HADHA: variants seen among roughly 807,000 people sequenced by gnomAD.
HADHA encodes the protein trifunctional enzyme subunit alpha, mitochondrial.
A neutral mutation model predicts 91.3 loss-of-function variants in HADHA; 59 were observed. The observed-to-expected ratio is 0.65, with a 90% CI of 0.52 to 0.80. The LOEUF (loss-of-function observed/expected upper bound fraction) is 0.80. HADHA is among the 30% of genes least tolerant of loss of function. The pLI is 0.00. For missense variants in HADHA, 800 were observed against 927.6 expected (o/e 0.86, Z 1.79); for synonymous variants, 320 against 338.9 (o/e 0.94, Z 0.61).
At chr2:26,212,409 C>T (rs1670122849) in intron 10 of HADHA, 161 bp downstream of exon 10, 1 of 676,548 alleles carries the variant, frequency 1.5e-6, no homozygotes, top group African/African-American at 1.8e-5. Context: ...TCTTAGCATC[C>T]ACTTGCTCAC....
rs755241910 is a variant in HADHA at position 26,236,818 on chromosome 2, CA to C, written c.314+36del. 6.5e-6 allele frequency: 10 copies of C among 1,542,630 alleles called. No homozygotes were observed. In the East Asian group the frequency reaches 2.0e-4, roughly 31 times the overall value. ...TAGGCCTAAGAAACACACTATTAAC[CA>C]AGATAAAAGGTGACTTCAAGTTTCC... On this transcript the variant is annotated intron_variant, in intron 4 of 19. Transcript: ENST00000380649.
chr2:26,241,487 A>AC (rs1362120350), intron 1 of HADHA, among the ~76,000 whole-genome samples: 1 of 151,666 alleles, frequency 6.6e-6, no homozygotes, highest in Non-Finnish European at 1.5e-5. Context: ...CAAAAAAAAA[A>AC]AAACAAAAAA....
At chr2:26,195,696 C>T (rs1669649429) in intron 14 of HADHA, among the ~76,000 whole-genome samples, 1 of 152,174 alleles carries the variant, frequency 6.6e-6, no homozygotes, top group Non-Finnish European at 1.5e-5. Context: ...CTAGGTTTAA[C>T]TAACACTCCT....
At chr2:26,201,817 C>T (rs1326466691) in intron 12 of HADHA, among the ~76,000 whole-genome samples, 3 of 151,204 alleles carry the variant, frequency 2.0e-5, no homozygotes, top group South Asian at 4.2e-4. Flanking sequence ...TTTTTTGAGA[C>T]GGAGTCTCGC....
intron 4 of HADHA, chr2:26,235,442 C>T (rs1391682822): frequency 6.6e-6 from 1 of 152,230 alleles, no homozygotes; most frequent in Non-Finnish European, 1.5e-5. Flanking sequence ...CCAAGGATAA[C>T]TAGTATATTC....
intron 1 of HADHA, among the ~76,000 whole-genome samples, chr2:26,240,455 G>T (rs1228232552): frequency 6.6e-6 from 1 of 152,118 alleles, no homozygotes; most frequent in East Asian, 1.9e-4. Flanking sequence ...AAGTTTTCCT[G>T]CAAAGTAGAA....
At chr2:26,197,506 G>A (rs1669707299) in intron 14 of HADHA, among the ~76,000 whole-genome samples, 185 bp downstream of exon 14, 1 of 152,086 alleles carries the variant, frequency 6.6e-6, no homozygotes, top group Non-Finnish European at 1.5e-5. Context: ...GATATTTTTT[G>A]TTGTACTTAA....
rs190244150 is a variant in HADHA at position 26,196,174 on chromosome 2, G to C, written c.1480-942C>G. Among the ~76,000 whole-genome samples the C allele has an allele frequency of 2.8e-3, 419 of 152,238 alleles. 1 individual carries two copies. Among genetic ancestry groups the C allele is most frequent in the African/African-American group, 9.9e-3 (411 of 41,504 alleles). ...TAGATGAGGAAAAAAGGTATCAAGAGGTTAGTAGTACAGAGTCAGTCAGCA... is the reference window on the plus strand; with the variant it reads ...TAGATGAGGAAAAAAGGTATCAAGACGTTAGTAGTACAGAGTCAGTCAGCA... On this transcript the variant is annotated intron_variant, in intron 14 of 19. Transcript: ENST00000380649.
At chr2:26,194,258 G>A (rs1044626264) in intron 16 of HADHA, among the ~76,000 whole-genome samples, 3 of 152,160 alleles carry the variant, frequency 2.0e-5, no homozygotes, top group African/African-American at 4.8e-5. Flanking sequence ...TGAACCAAGC[G>A]GGCCCTGTTC....
intron 4 of HADHA, among the ~76,000 whole-genome samples, chr2:26,236,420 G>GTGTA (rs553522257): frequency 0.24 from 27,749 of 115,824 alleles, 3,899 homozygotes; most frequent in Non-Finnish European, 0.31. Flanking sequence ...GTGTGTGTGT[G>GTGTA]TATATACTTT....
In HADHA at chr2:26,192,337, C is replaced by G; in HGVS notation, c.1973G>C (p.Ser658Thr). The part of the protein sequence containing the change: ...LNSDMDSILA[S>T]LKLPPKSEVS... ...TTCAGACTTAGGAGGCAGCTTCAGA[C>G]TCGCTAAAATACTATCCATGTCAGA... The change falls in exon 18 of 20, where the codon AGT (serine) becomes ACT (threonine). Residue 658 changes from serine (S) to threonine (T), a missense_variant. Physicochemically the swap from Ser to Thr is moderately conservative, Grantham distance 58. Transcript: ENST00000380649. The G allele has an allele frequency of 6.2e-7, 1 of 1,601,568 alleles. No homozygotes were observed. Among genetic ancestry groups the G allele is most frequent in the South Asian group, 1.1e-5 (1 of 90,818 alleles).
intron 9 of HADHA, among the ~76,000 whole-genome samples, chr2:26,213,519 G>A (rs1041319523): frequency 2.0e-5 from 3 of 152,146 alleles, no homozygotes; most frequent in Non-Finnish European, 2.9e-5. Flanking sequence ...GTTCCTTGAA[G>A]AGCTTGTTTT....
chr2:26,231,709 G>T (rs1394009418), intron 6 of HADHA, among the ~76,000 whole-genome samples: 1 of 152,118 alleles, frequency 6.6e-6, no homozygotes, highest in Non-Finnish European at 1.5e-5. Context: ...GTTCATGCCT[G>T]TAGTCCTAGC....
intron 5 of HADHA, among the ~76,000 whole-genome samples, 200 bp downstream of exon 5, chr2:26,234,017 G>GT (rs1670686942): frequency 6.6e-6 from 1 of 152,168 alleles, no homozygotes; most frequent in South Asian, 2.1e-4. Context: ...GGAGGCAGAG[G>GT]TTGCAGTGAG....
chr2:26,194,523 CTGAA>C, intron 16 of HADHA, 43 bp downstream of exon 16: 1 of 1,099,348 alleles, frequency 9.1e-7, no homozygotes, highest in South Asian at 1.2e-5. Context: ...TTTAGAGTGA[CTGAA>C]GGAGTGGAAG....
chr2:26,221,630 GTTC>G lies in HADHA; in HGVS notation c.677-6458_677-6456del, dbSNP rs1021683514. 1.8e-4 allele frequency among the ~76,000 whole-genome samples: 28 copies of G among 152,302 alleles called. 1 individual carries two copies. Among genetic ancestry groups the G allele is most frequent in the Admixed American group, 1.5e-3 (23 of 15,292 alleles). ...AGTAGCCAAAATACCCCACGGCCCT[GTTC>G]TTCTTTGTCTCTTCCAGCCTGCACC... On this transcript the variant is annotated intron_variant, in intron 7 of 19. Transcript: ENST00000380649. The surrounding 1 kb of genome is among the most constrained non-coding windows in gnomAD (Gnocchi z 4.8).
At chr2:26,238,783 G>A (rs540315128) in intron 3 of HADHA, 151 bp downstream of exon 3, 3 of 684,250 alleles carry the variant, frequency 4.4e-6, no homozygotes, top group East Asian at 5.4e-5. Flanking sequence ...TTGGCAATCT[G>A]TCAAAGTTTA....
Position 26,214,614 on chromosome 2 carries a change from G to A in HADHA, c.800-53C>T. 1 of 934,080 alleles carries A rather than the reference G, an allele frequency of 1.1e-6. No homozygotes were observed. Among genetic ancestry groups the A allele is most frequent in the Non-Finnish European group, 1.8e-6 (1 of 561,728 alleles). 57.9% of individuals were successfully genotyped at this position (934,080 alleles called of 1,614,324 possible). On this transcript the variant is annotated intron_variant, in intron 8 of 19. Transcript: ENST00000380649. The surrounding 1 kb of genome is among the most constrained non-coding windows in gnomAD (Gnocchi z 4.1). ...TACTATAAAGAGCCTAGATTCCCTT[G>A]TTAGTTTATGCTCTAAACTCTATAA...
chr2:26,195,332 G>A, intron 14 of HADHA, 100 bp from the exon 15 acceptor site: 4 of 1,018,274 alleles, frequency 3.9e-6, no homozygotes, highest in Non-Finnish European at 6.3e-6. Flanking sequence ...AAAGGTGGCT[G>A]TGATATAGGA....
Sources: allele counts gnomAD v4.1 joint callset (sites outside exome capture counted in the v4.1 genomes callset), GRCh38; gene constraint gnomAD v4.1.1; non-coding constraint Gnocchi (gnomAD v3.1); transcripts MANE v1.5; gene names NCBI Gene and HGNC (gene_info 2026-07-23, HGNC 2026-07-21).